Variants in PTPRD observed in about 807,000 individuals in gnomAD.
PTPRD encodes protein tyrosine phosphatase receptor type D.
Under a neutral mutation model 214.5 loss-of-function variants are expected in PTPRD, and 34 were observed. The observed-to-expected ratio is 0.16, with a 90% CI of 0.12 to 0.21. The LOEUF is 0.21. PTPRD is among the 10% of genes least tolerant of loss of function. The pLI, the probability that PTPRD is intolerant of heterozygous loss-of-function variation, is 1.00. For synonymous variants in PTPRD, 1,128 were observed against 845.7 expected, an observed-to-expected ratio of 1.33 and a Z score of -5.79; for missense variants, 2,545 against 2,398.7, an observed-to-expected ratio of 1.06 and a Z score of -1.27.
intron 3 of PTPRD, among the ~76,000 whole-genome samples, chr9:10,233,991 G>A (rs765874700): frequency 7.9e-5 from 12 of 151,462 alleles, no homozygotes; most frequent in Non-Finnish European, 1.2e-4. Flanking sequence ...AGATGATCAC[G>A]CCTGTAATCC....
Position 8,730,737 on chromosome 9 carries a change from T to C in PTPRD, c.64+3043A>G, listed in dbSNP as rs114841481. The stretch of plus-strand genomic sequence containing the variant: ...CTGAGGATTACATTACTATAATCTA[T>C]ATGAATCTTTAATCTGCATGCATCT... On this transcript the variant is annotated intron_variant, in intron 12 of 45. Transcript: ENST00000381196. 6.7e-3 allele frequency among the ~76,000 whole-genome samples: 1,028 copies of C among 152,326 alleles called. 7 individuals are homozygous for C. The highest frequency in any genetic ancestry group is 0.023 in the African/African-American group (946 of 41,572).
chr9:10,215,044 T>A (rs1245875034), intron 3 of PTPRD, among the ~76,000 whole-genome samples: 1 of 152,102 alleles, frequency 6.6e-6, no homozygotes, highest in East Asian at 1.9e-4. Context: ...GATTCCATAC[T>A]CTAGTCTTAA....
At chr9:10,504,359 C>G (rs1047049202) in intron 2 of PTPRD, among the ~76,000 whole-genome samples, 2 of 152,062 alleles carry the variant, frequency 1.3e-5, no homozygotes, top group African/African-American at 4.8e-5. Flanking sequence ...AATCCACCCA[C>G]AGCTCCAAGT....
chr9:9,454,893 A>G (rs1317029672), intron 8 of PTPRD, among the ~76,000 whole-genome samples: 2 of 151,436 alleles, frequency 1.3e-5, no homozygotes, highest in Non-Finnish European at 3.0e-5. Flanking sequence ...CTGGTTATTA[A>G]ATGTATGTAA....
intron 7 of PTPRD, among the ~76,000 whole-genome samples, chr9:9,723,508 G>C (rs575783232): frequency 8.6e-5 from 13 of 152,030 alleles, no homozygotes; most frequent in African/African-American, 3.1e-4. Flanking sequence ...GGCTATTCTG[G>C]GTCCTTGACA....
chr9:9,040,310 T>C (rs2099635625), intron 10 of PTPRD, among the ~76,000 whole-genome samples: 1 of 152,216 alleles, frequency 6.6e-6, no homozygotes, highest in Non-Finnish European at 1.5e-5. Flanking sequence ...ATATACTGCC[T>C]GGCAGAGTCT....
chr9:8,527,926 A>G (rs1410693703), intron 15 of PTPRD, among the ~76,000 whole-genome samples: 1 of 152,044 alleles, frequency 6.6e-6, no homozygotes, highest in African/African-American at 2.4e-5. Context: ...GAAAATGTTC[A>G]CTCACAATGT....
In PTPRD at chr9:9,614,236, C is replaced by T. The variant is rs377088794; in HGVS notation, c.-286-39455G>A. Among the ~76,000 whole-genome samples the T allele has an allele frequency of 2.0e-5, 3 of 152,096 alleles. No individual in the cohort carries two copies. The East Asian group carries it at 5.8e-4, about 29-fold the overall frequency. On this transcript the variant is annotated intron_variant, in intron 7 of 45. Coordinates refer to ENST00000381196, the MANE Select transcript of PTPRD (RefSeq NM_002839.4). ...TTAGATCTTTGTGGATCAATGCTGACCTGATTACCAGTGTGATACATTCAA... is the reference window on the plus strand; with the variant it reads ...TTAGATCTTTGTGGATCAATGCTGATCTGATTACCAGTGTGATACATTCAA...
At chr9:9,820,094 T>C (rs775865516) in intron 5 of PTPRD, among the ~76,000 whole-genome samples, 5 of 152,198 alleles carry the variant, frequency 3.3e-5, no homozygotes, top group African/African-American at 9.7e-5. Flanking sequence ...AAGTAATTTA[T>C]ATTCTTACCA....
At chr9:8,473,911 A>G (rs978479856) in intron 30 of PTPRD, among the ~76,000 whole-genome samples, 7 of 152,228 alleles carry the variant, frequency 4.6e-5, no homozygotes, top group African/African-American at 1.4e-4. Flanking sequence ...GGCAGTGGCA[A>G]TTTGAAATTC....
At chr9:8,894,954 A>C (rs1383991037) in intron 11 of PTPRD, among the ~76,000 whole-genome samples, 1 of 152,204 alleles carries the variant, frequency 6.6e-6, no homozygotes, top group Non-Finnish European at 1.5e-5. Context: ...CTTGTGGCAA[A>C]ACCGAAAAAG....
At chr9:9,519,863 A>G (rs973433624) in intron 8 of PTPRD, among the ~76,000 whole-genome samples, 10 of 152,122 alleles carry the variant, frequency 6.6e-5, no homozygotes, top group Admixed American at 2.6e-4. Context: ...CCCATAATTT[A>G]TGAGGAAACA....
chr9:9,102,951 G>T (rs1158430135), intron 10 of PTPRD, among the ~76,000 whole-genome samples: 1 of 152,284 alleles, frequency 6.6e-6, no homozygotes, highest in African/African-American at 2.4e-5. Flanking sequence ...ACTAAAGCAG[G>T]TATTGATTTA....
chr9:10,279,566 C>T (rs922494398), intron 3 of PTPRD, among the ~76,000 whole-genome samples: 3 of 151,992 alleles, frequency 2.0e-5, no homozygotes, highest in Non-Finnish European at 4.4e-5. Context: ...AACTCCTTTG[C>T]TGGAGGTTGG....
chr9:9,189,015 G>A (rs902414881), intron 9 of PTPRD, among the ~76,000 whole-genome samples: 4 of 151,972 alleles, frequency 2.6e-5, no homozygotes, highest in African/African-American at 9.7e-5. Flanking sequence ...CTTAATATCA[G>A]TCTATTCTAA....
chr9:10,228,628 C>T (rs2099597158), intron 3 of PTPRD, among the ~76,000 whole-genome samples: 1 of 151,500 alleles, frequency 6.6e-6, no homozygotes, highest in Non-Finnish European at 1.5e-5. Flanking sequence ...ATATTTTTTT[C>T]ACCTGCTCTA....
chr9:9,390,697 G>A (rs2065508776), intron 9 of PTPRD, among the ~76,000 whole-genome samples: 1 of 152,164 alleles, frequency 6.6e-6, no homozygotes, highest in Non-Finnish European at 1.5e-5. Context: ...ATCAACTGAA[G>A]CAGACTTAGT....
At chr9:8,689,784 G>A (rs938191989) in intron 12 of PTPRD, among the ~76,000 whole-genome samples, 1 of 152,088 alleles carries the variant, frequency 6.6e-6, no homozygotes, top group African/African-American at 2.4e-5. Context: ...TACACTTTGA[G>A]TGAAGAGGGA....
At chr9:9,464,034 T>C (rs1227026963) in intron 8 of PTPRD, among the ~76,000 whole-genome samples, 1 of 152,200 alleles carries the variant, frequency 6.6e-6, no homozygotes, top group Admixed American at 6.5e-5. Flanking sequence ...TTCTCAAACA[T>C]GGTTACATTT....
Sources: allele counts gnomAD v4.1 joint callset (sites outside exome capture counted in the v4.1 genomes callset), GRCh38; gene constraint gnomAD v4.1.1; transcripts MANE v1.5; gene names NCBI Gene and HGNC (gene_info 2026-07-23, HGNC 2026-07-21).